CSMD3: variants seen among roughly 807,000 people sequenced by gnomAD.
CSMD3 encodes CUB and Sushi multiple domains 3.
A neutral mutation model predicts 435.2 loss-of-function variants in CSMD3; 177 were observed. That is an observed-to-expected ratio of 0.41 (90% CI 0.36 to 0.46). The LOEUF (loss-of-function observed/expected upper bound fraction) is 0.46, where lower values mean the gene tolerates loss of function less well. CSMD3 is among the 20% of genes least tolerant of loss of function. The pLI is 0.34. For missense variants in CSMD3, 4,265 were observed against 4,504.6 expected (o/e 0.95, Z 1.52); for synonymous variants, 1,656 against 1,520.5 (o/e 1.09, Z -2.07).
intron 13 of CSMD3, among the ~76,000 whole-genome samples, chr8:112,765,937 G>C (rs540044819): frequency 6.6e-6 from 1 of 151,782 alleles, no homozygotes; most frequent in East Asian, 1.9e-4. Flanking sequence ...TGTAAGACCT[G>C]ATGATTTGGA....
At chr8:112,679,712 C>T (rs1425689329) in intron 16 of CSMD3, among the ~76,000 whole-genome samples, 1 of 152,052 alleles carries the variant, frequency 6.6e-6, no homozygotes, top group Non-Finnish European at 1.5e-5. Flanking sequence ...AAGCTAGGCA[C>T]CAAGCAACCC....
intron 45 of CSMD3, among the ~76,000 whole-genome samples, chr8:112,323,726 T>A (rs1823230703): frequency 6.6e-6 from 1 of 152,074 alleles, no homozygotes; most frequent in Non-Finnish European, 1.5e-5. Flanking sequence ...AGTGTGTTCC[T>A]TACCTTCAGT....
At chr8:112,384,552 A>G (rs1272764998) in intron 36 of CSMD3, among the ~76,000 whole-genome samples, 1 of 152,208 alleles carries the variant, frequency 6.6e-6, no homozygotes, top group Non-Finnish European at 1.5e-5. Flanking sequence ...GAATAACTTT[A>G]TTAAAAGTTT....
At chr8:112,782,310 T>A (rs2078410161) in intron 13 of CSMD3, among the ~76,000 whole-genome samples, 1 of 152,018 alleles carries the variant, frequency 6.6e-6, no homozygotes, top group Admixed American at 6.6e-5. Flanking sequence ...GAAGAATGCA[T>A]CAGTCTCCCA....
Position 112,237,361 on chromosome 8 carries a change from T to A in CSMD3, c.10469-13A>T, listed in dbSNP as rs2129994883. 1 of 1,562,808 alleles carries A rather than the reference T, an allele frequency of 6.4e-7. No individual in the cohort carries two copies. Among genetic ancestry groups the A allele is most frequent in the Non-Finnish European group, 8.8e-7 (1 of 1,133,666 alleles). On this transcript the variant is annotated splice_polypyrimidine_tract_variant and intron_variant, in intron 66 of 70. Transcript: ENST00000297405. ...ACATCATCAGGAACTGTGAATAGAT[T>A]AAATATACCACACATTAATTTTACA...
In CSMD3 at chr8:113,020,198, A is replaced by G. The variant is rs867784471; in HGVS notation, c.918-1019T>C. Among the ~76,000 whole-genome samples, 4 of 150,792 alleles carry G rather than the reference A, an allele frequency of 2.7e-5. No homozygotes were observed. In the East Asian group the frequency reaches 5.8e-4, roughly 22 times the overall value. On this transcript the variant is annotated intron_variant, in intron 5 of 70. Coordinates refer to ENST00000297405, the MANE Select transcript of CSMD3 (RefSeq NM_198123.2). ...AAAAAAAAAAAAAAAAAAAGAATAT[A>G]TAATTCTATAATGTATTAGAGGCCT...
chr8:113,290,704 G>A (rs1242973396), intron 2 of CSMD3, among the ~76,000 whole-genome samples: 1 of 151,582 alleles, frequency 6.6e-6, no homozygotes, highest in Non-Finnish European at 1.5e-5. Flanking sequence ...GACATGGAAC[G>A]TACATGTGGT....
At position 113,160,179 on chromosome 8, in the gene CSMD3, T is replaced by C. The variant is rs993187573; in HGVS notation, c.709+13543A>G. Among the ~76,000 whole-genome samples, 4 of 151,998 alleles carry C rather than the reference T, an allele frequency of 2.6e-5. No homozygotes were observed. The East Asian group carries it at 5.8e-4, about 22-fold the overall frequency. On this transcript the variant is annotated intron_variant, in intron 4 of 70. Coordinates refer to ENST00000297405, the MANE Select transcript of CSMD3 (RefSeq NM_198123.2). ...GTTTTTGATTGTTTATATGTATGTA[T>C]GACTTTGTAACAAATTTTAAAGGAG...
chr8:113,352,227 T>C (rs2094194763), intron 1 of CSMD3, among the ~76,000 whole-genome samples: 1 of 152,072 alleles, frequency 6.6e-6, no homozygotes, highest in Non-Finnish European at 1.5e-5. Flanking sequence ...CCATCCTGCA[T>C]TGGGATGGTC....
At chr8:112,693,130 A>G (rs1243399810) in intron 13 of CSMD3, among the ~76,000 whole-genome samples, 2 of 152,072 alleles carry the variant, frequency 1.3e-5, no homozygotes, top group African/African-American at 4.8e-5. Context: ...CAATAAATAA[A>G]CAGACAAGGA....
chr8:112,451,547 T>A (rs146669607), intron 32 of CSMD3, among the ~76,000 whole-genome samples: 1,774 of 152,236 alleles, frequency 0.012, 38 homozygotes, highest in African/African-American at 0.041. Context: ...TCTTCTCTTT[T>A]TTTTTTTTGA....
chr8:112,821,408 T>A (rs2079526099), intron 12 of CSMD3, among the ~76,000 whole-genome samples: 1 of 152,118 alleles, frequency 6.6e-6, no homozygotes, highest in Non-Finnish European at 1.5e-5. Context: ...TCAATGATGT[T>A]GATTTTTTTT....
intron 10 of CSMD3, among the ~76,000 whole-genome samples, chr8:112,882,087 T>C (rs999923089): frequency 2.0e-5 from 3 of 151,552 alleles, no homozygotes; most frequent in Non-Finnish European, 4.4e-5. Flanking sequence ...CAAAAAGAAA[T>C]CAGAAATAGG....
At position 113,267,139 on chromosome 8, in the gene CSMD3, C is replaced by T. The variant is rs79145318; in HGVS notation, c.514+11453G>A. ...ATGTGGAGAAATGGGAACTCTTATA[C>T]GCTGTTGGTAGGAATGGGTACTAGT... On this transcript the variant is annotated intron_variant, in intron 3 of 70. Coordinates refer to ENST00000297405, the MANE Select transcript of CSMD3 (RefSeq NM_198123.2). Among the ~76,000 whole-genome samples, 27 of 151,654 alleles carry T rather than the reference C, an allele frequency of 1.8e-4. No homozygotes were observed. The East Asian group carries it at 1.9e-3, about 11-fold the overall frequency.
intron 4 of CSMD3, among the ~76,000 whole-genome samples, chr8:113,120,990 C>T (rs912551160): frequency 1.3e-5 from 2 of 152,112 alleles, no homozygotes; most frequent in Non-Finnish European, 2.9e-5. Flanking sequence ...TTTTAGCATC[C>T]ATCCAAATGT....
At chr8:113,295,243 C>A (rs568165960) in intron 2 of CSMD3, among the ~76,000 whole-genome samples, 5 of 152,196 alleles carry the variant, frequency 3.3e-5, no homozygotes, top group African/African-American at 1.2e-4. Context: ...ACTGTAATCA[C>A]CCTGTCATGT....
chr8:112,621,669 A>G (rs562095316), intron 22 of CSMD3, among the ~76,000 whole-genome samples: 1 of 151,864 alleles, frequency 6.6e-6, no homozygotes, highest in Non-Finnish European at 1.5e-5. Flanking sequence ...CCATTTTTTT[A>G]CTTGTTTTTC....
intron 24 of CSMD3, among the ~76,000 whole-genome samples, chr8:112,567,259 G>T (rs1829134735): frequency 6.6e-6 from 1 of 152,106 alleles, no homozygotes; most frequent in South Asian, 2.1e-4. Flanking sequence ...TATCACTCAG[G>T]TATCAACTCA....
chr8:112,583,641 C>T (rs988976166), intron 23 of CSMD3, among the ~76,000 whole-genome samples: 3 of 151,784 alleles, frequency 2.0e-5, no homozygotes, highest in Non-Finnish European at 4.4e-5. Flanking sequence ...TATATGTAAA[C>T]ATTAATAGCA....
Sources: allele counts gnomAD v4.1 joint callset (sites outside exome capture counted in the v4.1 genomes callset), GRCh38; gene constraint gnomAD v4.1.1; transcripts MANE v1.5; gene names NCBI Gene and HGNC (gene_info 2026-07-23, HGNC 2026-07-21).